Variants in LEF1 observed in about 807,000 individuals in gnomAD.
LEF1 encodes the protein lymphoid enhancer binding factor 1.
Under a neutral mutation model 51.2 loss-of-function variants are expected in LEF1, and 14 were observed. The ratio of observed to expected loss-of-function variants is 0.27; its 90% confidence interval spans 0.18 to 0.43. The LOEUF (loss-of-function observed/expected upper bound fraction) is 0.43, where lower values mean the gene tolerates loss of function less well. LEF1 is among the 20% of genes least tolerant of loss of function. The pLI is 1.00. For synonymous variants in LEF1, 185 were observed against 183.2 expected, an observed-to-expected ratio of 1.01 and a Z score of -0.08; for missense variants, 386 against 512.0, an observed-to-expected ratio of 0.75 and a Z score of 2.37.
chr4:108,081,700 T>C (rs1739320019), intron 5 of LEF1, 31 bp from the exon 6 acceptor site: 4 of 1,537,228 alleles, frequency 2.6e-6, no homozygotes, highest in Non-Finnish European at 2.7e-6. Context: ...AACCCATCAA[T>C]GACAAAACAC....
intron 8 of LEF1, 30 bp from the exon 9 acceptor site, chr4:108,070,800 A>G: frequency 1.4e-6 from 2 of 1,423,490 alleles, no homozygotes; most frequent in Non-Finnish European, 2.0e-6. Context: ...AGAAAAAAAC[A>G]AAAGTAAGCA....
At chr4:108,137,470 G>C (rs1351243555) in intron 3 of LEF1, among the ~76,000 whole-genome samples, 1 of 152,128 alleles carries the variant, frequency 6.6e-6, no homozygotes, top group East Asian at 1.9e-4. Context: ...TTTCAATGTG[G>C]AGTTTTTATG....
chr4:108,150,781 A>G lies in LEF1; in HGVS notation c.414+12787T>C, dbSNP rs562980273. Reference sequence around the variant, plus strand: ...TCTTCACTGGAAACATAGGCATATTAGTAGCATTCACTTCATACTGTTTAG... The same window carrying G: ...TCTTCACTGGAAACATAGGCATATTGGTAGCATTCACTTCATACTGTTTAG... On this transcript the variant is annotated intron_variant, in intron 3 of 11. Transcript: ENST00000265165. Among the ~76,000 whole-genome samples, 4 of 152,320 alleles carry G rather than the reference A, an allele frequency of 2.6e-5. No individual in the cohort carries two copies. The South Asian group carries it at 8.3e-4, about 32-fold the overall frequency.
intron 3 of LEF1, among the ~76,000 whole-genome samples, chr4:108,090,843 T>G (rs1485890757): frequency 6.6e-6 from 1 of 152,204 alleles, no homozygotes; most frequent in African/African-American, 2.4e-5. Context: ...AGGGGAATCA[T>G]TTTAAAGAGA....
At chr4:108,092,537 T>C (rs1740091742) in intron 3 of LEF1, among the ~76,000 whole-genome samples, 1 of 152,218 alleles carries the variant, frequency 6.6e-6, no homozygotes, top group South Asian at 2.1e-4. Flanking sequence ...CTTGACACTA[T>C]GTGCACACAC....
rs371482539 is a variant in LEF1 at position 108,149,458 on chromosome 4, C to CAAAA, written c.414+14106_414+14109dup. On this transcript the variant is annotated intron_variant, in intron 3 of 11. Coordinates refer to ENST00000265165, the MANE Select transcript of LEF1 (RefSeq NM_016269.5). Reference sequence around the variant, plus strand: ...TGGGCGACAGAGCGAGACTCCGTCTCAAAAAAAAAAAAAAAAAATAGATTA... The same window carrying CAAAA: ...TGGGCGACAGAGCGAGACTCCGTCTCAAAAAAAAAAAAAAAAAAAAAATAGATTA... Among the ~76,000 whole-genome samples the CAAAA allele has an allele frequency of 1.0e-3, 63 of 60,590 alleles. 2 individuals are homozygous for CAAAA. The highest frequency in any genetic ancestry group is 2.1e-3 in the South Asian group (3 of 1,448). 39.7% of individuals were successfully genotyped at this position (60,590 alleles called of 152,430 possible).
chr4:108,076,745 T>A (rs1199677437), intron 8 of LEF1, among the ~76,000 whole-genome samples: 1 of 151,970 alleles, frequency 6.6e-6, no homozygotes, highest in Non-Finnish European at 1.5e-5. Context: ...AAAAGGATAA[T>A]AAATATCTGT....
At chr4:108,092,927 AAAAAAAAAAAAAAAAAAAAAAAG>A (rs1740127243) in intron 3 of LEF1, among the ~76,000 whole-genome samples, 1 of 124,982 alleles carries the variant, frequency 8.0e-6, no homozygotes, top group Non-Finnish European at 1.6e-5. Flanking sequence ...TAAAAAAAAA[AAAAAAAAAAAAAAAAAAAAAAAG>A]ACAAGCAAAA....
chr4:108,117,198 AT>A (rs1336220453), intron 3 of LEF1, among the ~76,000 whole-genome samples: 2 of 152,204 alleles, frequency 1.3e-5, no homozygotes, highest in African/African-American at 4.8e-5. Context: ...AAACTTAGAG[AT>A]AAATTTCTTC....
In LEF1 at chr4:108,081,686, A is replaced by G. The variant is rs527695453; in HGVS notation, c.639-17T>C. The stretch of plus-strand genomic sequence containing the variant: ...TGACCTTGCCTGAGGTCACAGAAGA[A>G]AGGAACCCATCAATGACAAAACACC... On this transcript the variant is annotated splice_polypyrimidine_tract_variant and intron_variant, in intron 5 of 11. Coordinates refer to ENST00000265165, the MANE Select transcript of LEF1 (RefSeq NM_016269.5). 5.0e-6 allele frequency: 8 copies of G among 1,606,286 alleles called. No homozygotes were observed. In the African/African-American group the frequency reaches 1.1e-4, roughly 21 times the overall value.
At chr4:108,051,040 C>T (rs1170006652) in intron 11 of LEF1, among the ~76,000 whole-genome samples, 1 of 152,132 alleles carries the variant, frequency 6.6e-6, no homozygotes, top group Admixed American at 6.5e-5. Flanking sequence ...AACATGGGTG[C>T]CCAGAGATAG....
At chr4:108,107,880 G>A (rs772640094) in intron 3 of LEF1, among the ~76,000 whole-genome samples, 24 of 151,914 alleles carry the variant, frequency 1.6e-4, no homozygotes, top group Non-Finnish European at 3.2e-4. Context: ...AACTCAAAAG[G>A]ACAATTACCA....
chr4:108,151,436 A>G (rs1744354398), intron 3 of LEF1, among the ~76,000 whole-genome samples: 1 of 152,188 alleles, frequency 6.6e-6, no homozygotes, highest in Non-Finnish European at 1.5e-5. Flanking sequence ...AGAAATGGTA[A>G]TAAGAAACTG....
At chr4:108,126,891 GTGT>G (rs1560809107) in intron 3 of LEF1, among the ~76,000 whole-genome samples, 1 of 150,050 alleles carries the variant, frequency 6.7e-6, no homozygotes, top group Non-Finnish European at 1.5e-5. Context: ...GTGTGTGTGT[GTGT>G]AGCTCTATTT....
intron 3 of LEF1, among the ~76,000 whole-genome samples, chr4:108,156,205 A>G (rs1433969505): frequency 6.6e-6 from 1 of 152,194 alleles, no homozygotes; most frequent in Non-Finnish European, 1.5e-5. Flanking sequence ...TAACTAACAG[A>G]TAAGTACTTC....
chr4:108,168,018 A>T lies in LEF1; in HGVS notation c.-251T>A, dbSNP rs1205864291. The T allele has an allele frequency of 1.7e-5, 3 of 176,632 alleles. No homozygotes were observed. The highest frequency in any genetic ancestry group is 3.5e-5 in the Non-Finnish European group (3 of 85,096). The allele number at this position is 176,632 out of a possible 1,614,324, so 10.9% of individuals were successfully genotyped here. Reference sequence around the variant, plus strand: ...AGACCGACGCAGGCGCCCGCCCCCGAGGCCGAAGGGCACTGGGCGGCGAGG... The same window carrying T: ...AGACCGACGCAGGCGCCCGCCCCCGTGGCCGAAGGGCACTGGGCGGCGAGG... On this transcript the variant is annotated 5_prime_UTR_variant, in exon 1 of 12. Transcript: ENST00000265165. This position sits in a 1 kb window ranked among gnomAD's most constrained non-coding sequence, Gnocchi z 4.6.
intron 3 of LEF1, among the ~76,000 whole-genome samples, chr4:108,144,997 A>G (rs1365940701): frequency 2.0e-5 from 3 of 152,054 alleles, no homozygotes; most frequent in Admixed American, 1.3e-4. Context: ...AACAAATAGG[A>G]ATAGGGTTCC....
At chr4:108,105,296 T>C (rs996235294) in intron 3 of LEF1, among the ~76,000 whole-genome samples, 1 of 151,218 alleles carries the variant, frequency 6.6e-6, no homozygotes, top group African/African-American at 2.4e-5. Context: ...TTCTCCTGCC[T>C]CAGCCTCCTG....
rs542023941 is a variant in LEF1, at chr4:108,087,743, C to T, written c.547+1382G>A. ...TAGGTTCCCAGATGTGCACCTCCTG[C>T]TCGGATGCTGGTCTGAGATTGTGAC... On this transcript the variant is annotated intron_variant, in intron 4 of 11. Transcript: ENST00000265165. 4.1e-4 allele frequency among the ~76,000 whole-genome samples: 63 copies of T among 152,282 alleles called. 1 individual carries two copies. The East Asian group carries it at 5.0e-3, about 12-fold the overall frequency.
Sources: allele counts gnomAD v4.1 joint callset (sites outside exome capture counted in the v4.1 genomes callset), GRCh38; gene constraint gnomAD v4.1.1; non-coding constraint Gnocchi (gnomAD v3.1); transcripts MANE v1.5; gene names NCBI Gene and HGNC (gene_info 2026-07-23, HGNC 2026-07-21).